The following KIF17 variants were observed in gnomAD, a reference collection of about 807,000 sequenced individuals.
KIF17 encodes the protein kinesin family member 17, also known as kinesin-like protein KIF17.
A neutral mutation model predicts 96.8 loss-of-function variants in KIF17; 80 were observed. The ratio of observed to expected loss-of-function variants is 0.83; its 90% confidence interval spans 0.69 to 1.00. KIF17 has a LOEUF of 1.00. Ranked by LOEUF, KIF17 falls within the 50% of genes least tolerant of loss-of-function variation. KIF17 has a pLI of 0.00. For synonymous variants in KIF17, 567 were observed against 587.5 expected (o/e 0.97, Z 0.51); for missense variants, 1,280 against 1,372.9 (o/e 0.93, Z 1.07).
chr1:20,662,148 T>C (rs182032658), downstream of KIF17, among the ~76,000 whole-genome samples: 341 of 152,344 alleles, frequency 2.2e-3, no homozygotes, highest in African/African-American at 7.7e-3. Flanking sequence ...GCCATTTAAT[T>C]ACCTCATCTC....
chr1:20,663,654 C>A (rs570054717), downstream of KIF17, among the ~76,000 whole-genome samples: 2 of 152,168 alleles, frequency 1.3e-5, no homozygotes, highest in South Asian at 2.1e-4. Flanking sequence ...CCTAGGTACC[C>A]CCCTATGTGG....
At chr1:20,688,906 C>T (rs2154536207) in intron 7 of KIF17, among the ~76,000 whole-genome samples, 1 of 152,334 alleles carries the variant, frequency 6.6e-6, no homozygotes, top group Admixed American at 6.5e-5. Flanking sequence ...GGAGACAGGG[C>T]TGCATTCACA....
chr1:20,690,173 G>A lies in KIF17; in HGVS notation c.1381+15C>T. 7 of 1,613,998 alleles carry A rather than the reference G, an allele frequency of 4.3e-6. No individual in the cohort carries two copies. Among genetic ancestry groups the A allele is most frequent in the African/African-American group, 1.3e-5 (1 of 75,068 alleles). On this transcript the variant is annotated intron_variant, in intron 7 of 14. Coordinates refer to ENST00000400463, the MANE Select transcript of KIF17 (RefSeq NM_001122819.3). Reference sequence around the variant, plus strand: ...CCTTCCCTGGAGACAGCCTCGGGGGGCAAGGGGTGCCCACCTGTCTCCTTC... The same window carrying A: ...CCTTCCCTGGAGACAGCCTCGGGGGACAAGGGGTGCCCACCTGTCTCCTTC...
intron 6 of KIF17, 50 bp downstream of exon 6, chr1:20,698,329 G>C (rs2054177767): frequency 7.4e-7 from 1 of 1,344,740 alleles, no homozygotes; most frequent in African/African-American, 1.4e-5. Flanking sequence ...CTTCCCGCTG[G>C]GCCCCACCTG....
chr1:20,677,663 GGCC>G (rs2053760898), intron 11 of KIF17, among the ~76,000 whole-genome samples: 1 of 152,120 alleles, frequency 6.6e-6, no homozygotes, highest in Non-Finnish European at 1.5e-5. Context: ...AGACCAGCCT[GGCC>G]ACCACAGTGA....
chr1:20,692,072 G>C (rs992079219), intron 6 of KIF17, among the ~76,000 whole-genome samples: 2 of 152,152 alleles, frequency 1.3e-5, no homozygotes, highest in African/African-American at 4.8e-5. Context: ...ATCTGCTAAT[G>C]GTATCCCATG....
chr1:20,672,243 C>T lies in KIF17; in HGVS notation c.2464-47G>A, dbSNP rs757330897. On this transcript the variant is annotated intron_variant, in intron 11 of 14. Transcript: ENST00000400463. This position sits in a 1 kb window ranked among gnomAD's most constrained non-coding sequence, Gnocchi z 4.3. ...CAGTGAGCAGGGAAAGATACCTCCC[C>T]TTCCATCTAACCACCCTGTCCACTC... 14 of 1,608,470 alleles carry T rather than the reference C, an allele frequency of 8.7e-6. No homozygotes were observed. In the East Asian group the frequency reaches 1.1e-4, roughly 13 times the overall value.
Position 20,690,230 on chromosome 1 carries a change from C to T in KIF17, c.1339G>A (p.Val447Ile), listed in dbSNP as rs141125042. 61 of 1,610,938 alleles carry T rather than the reference C, an allele frequency of 3.8e-5. No individual in the cohort carries two copies. The highest frequency in any genetic ancestry group is 3.7e-5 in the Non-Finnish European group (44 of 1,178,450). The change falls in exon 7 of 15, where the codon GTC (valine) becomes ATC (isoleucine). Residue 447 changes from valine (V) to isoleucine (I), a missense_variant. Val to Ile is a conservative substitution (Grantham distance 29). Coordinates refer to ENST00000400463, the MANE Select transcript of KIF17 (RefSeq NM_001122819.3). ...TTCTCCTCCAGCGTGGACAGCCTGA[C>T]GTCATATGAGTTGCGCATGGCAGTG... ...DITAMRNSYD[V>I]RLSTLEENLR...
chr1:20,688,845 G>T (rs777996806), intron 7 of KIF17, among the ~76,000 whole-genome samples: 7 of 152,206 alleles, frequency 4.6e-5, no homozygotes, highest in African/African-American at 1.7e-4. Flanking sequence ...GCTAGAATCT[G>T]CTCCCTCCCC....
rs61778502 is a variant in KIF17 at position 20,705,024 on chromosome 1, C to A, written c.671-125G>T. 57,534 of 817,010 alleles carry A rather than the reference C, an allele frequency of 0.07. 2,403 individuals carry two copies. Among genetic ancestry groups the A allele is most frequent in the East Asian group, 0.1 (3,920 of 37,996 alleles). The allele number at this position is 817,010 out of a possible 1,614,324, so 50.6% of individuals were successfully genotyped here. On this transcript the variant is annotated intron_variant, in intron 4 of 14. Transcript: ENST00000400463. ...GGGTTCCCCTCAGCTGCACAGGAGC[C>A]CCAGGAAGCAGGTGCTATTATTGGG...
chr1:20,713,915 C>T (rs1205014323), intron 2 of KIF17, among the ~76,000 whole-genome samples: 1 of 151,992 alleles, frequency 6.6e-6, no homozygotes, highest in African/African-American at 2.4e-5. Flanking sequence ...CAGGGCGGGG[C>T]GCTGCTCATG....
chr1:20,695,968 ACAGCCCGC>A (rs141665902), intron 6 of KIF17, among the ~76,000 whole-genome samples: 7,872 of 152,226 alleles, frequency 0.052, 265 homozygotes, highest in Admixed American at 0.1. Flanking sequence ...TACATGATAC[ACAGCCCGC>A]CAAGGAGATG....
Position 20,704,549 on chromosome 1 carries a change from T to G in KIF17, c.1021A>C (p.Ile341Leu), listed in dbSNP as rs2296225. ...RAKNIRNKPR[I>L]NEDPKDALLR... ...AGCGCATCCTTGGGGTCCTCATTGA[T>G]GCGCGGCTTGTTCCTGATGTTCTTG... The change falls in exon 5 of 15, where the codon ATC (isoleucine) becomes CTC (leucine). Residue 341 changes from isoleucine to leucine, a missense_variant. Physicochemically the swap from Ile to Leu is conservative, Grantham distance 5. Coordinates refer to ENST00000400463, the MANE Select transcript of KIF17 (RefSeq NM_001122819.3). The surrounding 1 kb of genome is among the most constrained non-coding windows in gnomAD (Gnocchi z 6.8). 6.2e-7 allele frequency: 1 copy of G among 1,614,140 alleles called. No individual in the cohort carries two copies. The highest frequency in any genetic ancestry group is 1.1e-5 in the South Asian group (1 of 91,082).
chr1:20,714,121 A>G (rs1264852439), intron 2 of KIF17, among the ~76,000 whole-genome samples: 1 of 152,156 alleles, frequency 6.6e-6, no homozygotes, highest in East Asian at 1.9e-4. Flanking sequence ...AGGTCAGGAG[A>G]TCGAGATCAT....
intron 6 of KIF17, among the ~76,000 whole-genome samples, chr1:20,695,257 G>A (rs1039015483): frequency 5.3e-5 from 8 of 151,942 alleles, no homozygotes; most frequent in Admixed American, 2.0e-4. Flanking sequence ...GCGCCATCTC[G>A]GCTCACTGCA....
At chr1:20,716,825 C>T (rs999757968) in intron 1 of KIF17, among the ~76,000 whole-genome samples, 3 of 152,184 alleles carry the variant, frequency 2.0e-5, no homozygotes, top group African/African-American at 7.2e-5. Context: ...AAGTGGTGAA[C>T]GAGGCAGACA....
chr1:20,679,761 C>A (rs930024201), intron 11 of KIF17, among the ~76,000 whole-genome samples: 2 of 152,156 alleles, frequency 1.3e-5, no homozygotes, highest in African/African-American at 4.8e-5. Flanking sequence ...ATTGTGCCAA[C>A]ACCTGAAATG....
downstream of KIF17, among the ~76,000 whole-genome samples, chr1:20,663,166 G>A (rs930404406): frequency 2.0e-5 from 3 of 152,314 alleles, no homozygotes; most frequent in South Asian, 4.1e-4. Context: ...GGAGGCTTCA[G>A]TGAGCTGAGA....
intron 1 of KIF17, among the ~76,000 whole-genome samples, chr1:20,716,336 G>T (rs111805597): frequency 0.018 from 2,764 of 152,338 alleles, 56 homozygotes; most frequent in African/African-American, 0.04. Context: ...TCGTGCATGG[G>T]CACAGGAAGC....
Sources: allele counts gnomAD v4.1 joint callset (sites outside exome capture counted in the v4.1 genomes callset), GRCh38; gene constraint gnomAD v4.1.1; non-coding constraint Gnocchi (gnomAD v3.1); transcripts MANE v1.5; gene names NCBI Gene and HGNC (gene_info 2026-07-23, HGNC 2026-07-21).